PPP2R5E: variants seen among roughly 807,000 people sequenced by gnomAD.
PPP2R5E encodes the protein protein phosphatase 2 regulatory subunit B'epsilon.
PPP2R5E carries 4 observed loss-of-function variants against 65.3 expected under a neutral mutation model. That is an observed-to-expected ratio of 0.06 (90% CI 0.03 to 0.14). The LOEUF (loss-of-function observed/expected upper bound fraction) is 0.14. Among genes scored for constraint, PPP2R5E ranks in the 10% least tolerant of loss-of-function variants. The pLI is 1.00. For missense variants in PPP2R5E, 274 were observed against 556.1 expected (o/e 0.49, Z 5.10); for synonymous variants, 183 against 187.4 (o/e 0.98, Z 0.19).
intron 2 of PPP2R5E, among the ~76,000 whole-genome samples, chr14:63,519,249 A>G (rs1223807968): frequency 1.3e-5 from 2 of 151,888 alleles, no homozygotes; most frequent in African/African-American, 4.8e-5. Context: ...ACATGAGGGG[A>G]AAATATTATT....
At chr14:63,391,164 C>A (rs1232455074) in intron 10 of PPP2R5E, among the ~76,000 whole-genome samples, 1 of 152,146 alleles carries the variant, frequency 6.6e-6, no homozygotes. Context: ...CAAAGCTAGA[C>A]AACTGGACAC....
intron 2 of PPP2R5E, among the ~76,000 whole-genome samples, chr14:63,516,756 A>G (rs1444584233): frequency 6.6e-6 from 1 of 152,188 alleles, no homozygotes; most frequent in Admixed American, 6.5e-5. Flanking sequence ...ACAGGTGAAC[A>G]CAATGCTTTC....
chr14:63,461,828 A>G (rs8016306), intron 2 of PPP2R5E, among the ~76,000 whole-genome samples: 54,816 of 151,452 alleles, frequency 0.36, 13,899 homozygotes, highest in African/African-American at 0.72. Context: ...AAGGAGGGTT[A>G]GCAATTACCC....
intron 2 of PPP2R5E, among the ~76,000 whole-genome samples, chr14:63,458,721 A>G (rs1202661572): frequency 1.3e-5 from 2 of 152,208 alleles, no homozygotes; most frequent in Admixed American, 6.5e-5. Flanking sequence ...TAAAATGTTC[A>G]TATGTTTGCA....
chr14:63,465,536 G>C (rs1311758457), intron 2 of PPP2R5E, among the ~76,000 whole-genome samples: 1 of 152,028 alleles, frequency 6.6e-6, no homozygotes, highest in East Asian at 1.9e-4. Flanking sequence ...TGAGGTCAGA[G>C]GATGGCTTGA....
chr14:63,485,704 G>A (rs1206332778), intron 2 of PPP2R5E, among the ~76,000 whole-genome samples: 6 of 152,006 alleles, frequency 3.9e-5, no homozygotes, highest in East Asian at 3.9e-4. Flanking sequence ...ATGAGACACC[G>A]CGCCCAGCCA....
At chr14:63,450,893 A>C (rs1888788788) in intron 3 of PPP2R5E, among the ~76,000 whole-genome samples, 1 of 152,216 alleles carries the variant, frequency 6.6e-6, no homozygotes, top group Non-Finnish European at 1.5e-5. Flanking sequence ...GTAGCACTTT[A>C]AGTCAGCCCT....
intron 2 of PPP2R5E, among the ~76,000 whole-genome samples, chr14:63,524,876 C>G (rs1050143099): frequency 6.6e-6 from 1 of 152,194 alleles, no homozygotes; most frequent in Non-Finnish European, 1.5e-5. Context: ...TCAGTCTCCT[C>G]GTAATTTTTA....
chr14:63,429,013 G>C (rs895593261), intron 3 of PPP2R5E, among the ~76,000 whole-genome samples: 1 of 152,058 alleles, frequency 6.6e-6, no homozygotes, highest in Non-Finnish European at 1.5e-5. Context: ...AAATACACAC[G>C]AAAGATAAGG....
In PPP2R5E at chr14:63,481,474, C is replaced by T. The variant is rs537653267; in HGVS notation, c.158-27589G>A. ...TCGCACCACTGCACTCCAGCCTGGGCGATAGAGCAAGACTCCATCTCAAAA... is the reference window on the plus strand; with the variant it reads ...TCGCACCACTGCACTCCAGCCTGGGTGATAGAGCAAGACTCCATCTCAAAA... On this transcript the variant is annotated intron_variant, in intron 2 of 13. Transcript: ENST00000337537. Among the ~76,000 whole-genome samples the T allele has an allele frequency of 4.6e-5, 6 of 129,998 alleles. No individual in the cohort carries two copies. In the East Asian group the frequency reaches 8.8e-4, roughly 19 times the overall value. 85.3% of individuals were successfully genotyped at this position (129,998 alleles called of 152,430 possible).
At chr14:63,540,430 CAAAA>C (rs202037803) in intron 1 of PPP2R5E, among the ~76,000 whole-genome samples, 15 of 74,634 alleles carry the variant, frequency 2.0e-4, no homozygotes, top group South Asian at 1.4e-3. Context: ...GAGTCCATCT[CAAAA>C]AAAAAAAAAA....
rs1327330071 is a variant in PPP2R5E at position 63,374,640 on chromosome 14, T to G, written c.*1369A>C. On this transcript the variant is annotated 3_prime_UTR_variant, in exon 14 of 14. Coordinates refer to ENST00000337537, the MANE Select transcript of PPP2R5E (RefSeq NM_006246.5). ...CAAAGCAGAGAGCCAATAAGATATA[T>G]ATATATATATATATATATATATATA... 13 of 91,690 alleles carry G rather than the reference T, an allele frequency of 1.4e-4. 1 individual carries two copies. The highest frequency in any genetic ancestry group is 2.1e-4 in the Non-Finnish European group (10 of 48,668). 5.7% of individuals were successfully genotyped at this position (91,690 alleles called of 1,614,324 possible).
intron 2 of PPP2R5E, among the ~76,000 whole-genome samples, chr14:63,497,168 G>A (rs1255621): frequency 0.32 from 49,018 of 152,000 alleles, 11,901 homozygotes; most frequent in African/African-American, 0.69. Flanking sequence ...TCACAAACAT[G>A]CAATACCTAT....
rs567590182 is a variant in PPP2R5E, at chr14:63,422,729, TAAAAAAAA to T, written c.355-643_355-636del. 1.6e-3 allele frequency among the ~76,000 whole-genome samples: 141 copies of T among 88,238 alleles called. 1 individual carries two copies. Among genetic ancestry groups the T allele is most frequent in the African/African-American group, 5.3e-3 (133 of 25,262 alleles). The allele number at this position is 88,238 out of a possible 152,430, so 57.9% of individuals were successfully genotyped here. A position where few individuals can be genotyped will look rare whatever the true frequency, so the allele number is the denominator to read the frequency against. ...ATGAAAGAGCGAGACTCCGTCTATT[TAAAAAAAA>T]AAAAAAAAAAAAAAAAAAAAAACTG... On this transcript the variant is annotated intron_variant, in intron 3 of 13. Transcript: ENST00000337537.
intron 3 of PPP2R5E, among the ~76,000 whole-genome samples, chr14:63,425,288 G>T (rs987842712): frequency 7.2e-5 from 11 of 152,194 alleles, no homozygotes; most frequent in Middle Eastern, 3.2e-3. Flanking sequence ...AGAAATAAAT[G>T]ACTTTTCAGA....
intron 3 of PPP2R5E, among the ~76,000 whole-genome samples, chr14:63,443,754 C>T (rs958960455): frequency 6.6e-6 from 1 of 152,146 alleles, no homozygotes; most frequent in Non-Finnish European, 1.5e-5. Context: ...CTCCCTACTC[C>T]CCAACAGCAG....
chr14:63,477,512 G>C (rs1174445326), intron 2 of PPP2R5E, among the ~76,000 whole-genome samples: 1 of 151,942 alleles, frequency 6.6e-6, no homozygotes, highest in Non-Finnish European at 1.5e-5. Flanking sequence ...ATTAAAAGAG[G>C]GGAGGGGAGA....
chr14:63,452,167 A>G (rs999045555), intron 3 of PPP2R5E: 3 of 152,224 alleles, frequency 2.0e-5, no homozygotes, highest in African/African-American at 7.2e-5. Flanking sequence ...TATATTCATG[A>G]ACTATCCATG....
intron 2 of PPP2R5E, among the ~76,000 whole-genome samples, chr14:63,503,644 T>A (rs1463642654): frequency 6.6e-6 from 1 of 152,244 alleles, no homozygotes; most frequent in Non-Finnish European, 1.5e-5. Context: ...ATGTTCTGTT[T>A]CAATACTCCC....
Sources: allele counts gnomAD v4.1 joint callset (sites outside exome capture counted in the v4.1 genomes callset), GRCh38; gene constraint gnomAD v4.1.1; transcripts MANE v1.5; gene names NCBI Gene and HGNC (gene_info 2026-07-23, HGNC 2026-07-21).